Variants in GBF1 observed in about 807,000 individuals in gnomAD.
GBF1 encodes Golgi-specific brefeldin A-resistance guanine nucleotide exchange factor 1.
A neutral mutation model predicts 210.5 loss-of-function variants in GBF1; 114 were observed. That is an observed-to-expected ratio of 0.54 (90% CI 0.47 to 0.63). GBF1 has a LOEUF of 0.63. Ranked by LOEUF, GBF1 falls within the 30% of genes least tolerant of loss-of-function variation. The pLI, the probability that GBF1 is intolerant of heterozygous loss-of-function variation, is 0.00. For missense variants in GBF1, 1,851 were observed against 2,357.7 expected, an observed-to-expected ratio of 0.79 and a Z score of 4.45; for synonymous variants, 850 against 889.2, an observed-to-expected ratio of 0.96 and a Z score of 0.78.
intron 3 of GBF1, among the ~76,000 whole-genome samples, chr10:102,341,194 C>T (rs887416296): frequency 3.3e-5 from 5 of 152,116 alleles, no homozygotes; most frequent in African/African-American, 2.4e-5. Context: ...CAAATAAGCA[C>T]ATGAAAAGAT....
chr10:102,318,310 C>A (rs1214325595), intron 3 of GBF1, among the ~76,000 whole-genome samples: 1 of 152,130 alleles, frequency 6.6e-6, no homozygotes, highest in African/African-American at 2.4e-5. Flanking sequence ...CCTTAGCCCC[C>A]CAAGTAGCTG....
intron 3 of GBF1, among the ~76,000 whole-genome samples, chr10:102,272,889 T>C (rs111570490): frequency 6.6e-6 from 1 of 152,238 alleles, no homozygotes; most frequent in African/African-American, 2.4e-5. Flanking sequence ...TATGTTTTTT[T>C]CCATTGTTAT....
At position 102,379,921 on chromosome 10, in the gene GBF1, G is replaced by A. The variant is rs1405164360; in HGVS notation, c.4845G>A (p.Glu1615=). 1.2e-6 allele frequency: 2 copies of A among 1,613,030 alleles called. No homozygotes were observed. The highest frequency in any genetic ancestry group is 1.7e-6 in the Non-Finnish European group (2 of 1,179,122). Residue 1615 remains glutamate (E), a synonymous_variant, in exon 36 of 40, where the codon GAG becomes GAA. Coordinates refer to ENST00000369983, the MANE Select transcript of GBF1 (RefSeq NM_001377137.1). ...ISPADVGGME[E]TRMRASTLLS... The stretch of plus-strand genomic sequence containing the variant: ...CTGCAGATGTGGGTGGGATGGAGGA[G>A]ACCCGGATGAGGGCTTCCACATTGC...
the GBF1 span, among the ~76,000 whole-genome samples, chr10:102,234,475 G>C: frequency 6.6e-6 from 1 of 152,134 alleles, no homozygotes. Context: ...CTTCCAGGTC[G>C]GGTCAGGTCA....
intron 4 of GBF1, among the ~76,000 whole-genome samples, chr10:102,350,243 G>T (rs1289215845): frequency 6.6e-6 from 1 of 151,992 alleles, no homozygotes; most frequent in Non-Finnish European, 1.5e-5. Flanking sequence ...CAGCTACTCG[G>T]GAAGCCTCAG....
chr10:102,315,781 C>G lies in GBF1; in HGVS notation c.164-28270C>G, dbSNP rs184223441. On this transcript the variant is annotated intron_variant, in intron 3 of 39. Transcript: ENST00000369983. ...GCCACAGACTGGTAGTGGTCCATGG[C>G]CTTGGGGTTGGGGACCCCTGCTGTA... 1.1e-4 allele frequency among the ~76,000 whole-genome samples: 17 copies of G among 152,254 alleles called. No homozygotes were observed. The East Asian group carries it at 3.3e-3, about 29-fold the overall frequency.
chr10:102,381,001 A>G lies in GBF1; in HGVS notation c.5174-126A>G, dbSNP rs532906435. The G allele has an allele frequency of 1.3e-5, 12 of 920,462 alleles. No homozygotes were observed. The South Asian group carries it at 1.7e-4, about 13-fold the overall frequency. The allele number at this position is 920,462 out of a possible 1,614,324, so 57.0% of individuals were successfully genotyped here. On this transcript the variant is annotated intron_variant, in intron 38 of 39. Transcript: ENST00000369983. ...CAGAACGAGATTCCATCTCAAAAAA[A>G]AAAAGTCCCCAAAGCTGAATTTATT...
chr10:102,351,424 G>A (rs529621173), intron 5 of GBF1, 50 bp downstream of exon 5: 20 of 982,048 alleles, frequency 2.0e-5, no homozygotes, highest in Non-Finnish European at 3.0e-5. Flanking sequence ...GGCTGGTGCC[G>A]CAGACTCTAC....
chr10:102,362,710 T>A, intron 15 of GBF1, 46 bp downstream of exon 15: 1 of 1,454,318 alleles, frequency 6.9e-7, no homozygotes, highest in Non-Finnish European at 9.6e-7. Context: ...TCTATGCTTA[T>A]CCCTTCTCTA....
At chr10:102,338,193 G>A (rs2057902285) in intron 3 of GBF1, among the ~76,000 whole-genome samples, 1 of 151,240 alleles carries the variant, frequency 6.6e-6, no homozygotes, top group Non-Finnish European at 1.5e-5. Flanking sequence ...TGAAAGTACT[G>A]GAATGAACAT....
intron 4 of GBF1, 61 bp downstream of exon 4, chr10:102,344,243 C>T (rs2058384225): frequency 1.9e-6 from 3 of 1,552,092 alleles, no homozygotes; most frequent in African/African-American, 1.4e-5. Flanking sequence ...TCCTGGGGTG[C>T]CCAGGCCTTA....
At chr10:102,256,520 A>G (rs1056854809) in intron 1 of GBF1, among the ~76,000 whole-genome samples, 1 of 139,824 alleles carries the variant, frequency 7.2e-6, no homozygotes, top group African/African-American at 2.7e-5. Flanking sequence ...AAAAAAAAAA[A>G]TTTTTTTTTT....
chr10:102,317,319 T>C (rs2055904868), intron 3 of GBF1, among the ~76,000 whole-genome samples: 1 of 151,968 alleles, frequency 6.6e-6, no homozygotes, highest in Non-Finnish European at 1.5e-5. Context: ...TTTAGGAAGA[T>C]ACAAAAAAGT....
chr10:102,267,502 TCAACAACAA>T (rs10682113), intron 3 of GBF1, among the ~76,000 whole-genome samples: 3 of 151,144 alleles, frequency 2.0e-5, no homozygotes, highest in Admixed American at 6.6e-5. Context: ...AGACTCCATC[TCAACAACAA>T]CAACAACAAC....
intron 33 of GBF1, 23 bp downstream of exon 33, chr10:102,377,163 CCT>C: frequency 6.4e-7 from 1 of 1,573,874 alleles, no homozygotes; most frequent in South Asian, 1.1e-5. Context: ...CCCTTTACTT[CCT>C]CTCCTCCCCT....
At chr10:102,239,001 G>A in the GBF1 span, among the ~76,000 whole-genome samples, 1 of 152,178 alleles carries the variant, frequency 6.6e-6, no homozygotes, top group East Asian at 1.9e-4. Context: ...CATCACTCCA[G>A]TTCTAAAAGG....
chr10:102,368,255 T>G lies in GBF1; in HGVS notation c.2680T>G (p.Leu894Val). ...TGTAATGCCTGAGGAGCAGACAGGC[T>G]TGGTTCGGGAGAACTATGTGTGGAA... ...EIVMPEEQTG[L>V]VRENYVWNVL... Residue 894 changes from leucine to valine, a missense_variant, in exon 22 of 40, where the codon TTG (leucine) becomes GTG (valine). By Grantham distance (32) the Leu-to-Val change is conservative (BLOSUM62 1). This residue lies in a region of GBF1 where 967 missense variants were observed against 1,247.7 expected (regional missense o/e 0.78). Transcript: ENST00000369983. 6.2e-7 allele frequency: 1 copy of G among 1,614,060 alleles called. No individual in the cohort carries two copies.
chr10:102,377,383 TCTCTCTGTCACCCAGG>T lies in GBF1; in HGVS notation c.4494+246_4494+261del, dbSNP rs1407907426. On this transcript the variant is annotated intron_variant, in intron 33 of 39. Coordinates refer to ENST00000369983, the MANE Select transcript of GBF1 (RefSeq NM_001377137.1). ...TATTTATTTATTTTTTGAGATGTAG[TCTCTCTGTCACCCAGG>T]CTGGAGTGCAGTGGCGTGATCTCGG... 2.4e-4 allele frequency among the ~76,000 whole-genome samples: 36 copies of T among 152,062 alleles called. 1 individual carries two copies. The East Asian group carries it at 7.0e-3, about 29-fold the overall frequency.
At chr10:102,245,285 C>T (rs889188841), upstream of GBF1, among the ~76,000 whole-genome samples, 2 of 152,168 alleles carry the variant, frequency 1.3e-5, no homozygotes, top group African/African-American at 4.8e-5. Flanking sequence ...AGCCGCCCAG[C>T]CCAGTTCCTC....
Sources: allele counts gnomAD v4.1 joint callset (sites outside exome capture counted in the v4.1 genomes callset), GRCh38; gene constraint gnomAD v4.1.1; regional missense constraint gnomAD v4.1.1; transcripts MANE v1.5; gene names NCBI Gene and HGNC (gene_info 2026-07-23, HGNC 2026-07-21).